The following ERAP1 variants were observed in gnomAD, a reference collection of about 807,000 sequenced individuals.
ERAP1 encodes adipocyte-derived leucine aminopeptidase.
Under a neutral mutation model 103.7 loss-of-function variants are expected in ERAP1, and 86 were observed. That is an observed-to-expected ratio of 0.83 (90% CI 0.70 to 0.99). The LOEUF is 0.99. Among genes scored for constraint, ERAP1 ranks in the 50% least tolerant of loss-of-function variants. The probability of loss-of-function intolerance (pLI) is 0.00; values close to 1 mark genes in which losing one functional copy is unlikely to be tolerated. For missense variants in ERAP1, 1,009 were observed against 1,128.4 expected (o/e 0.89, Z 1.52); for synonymous variants, 398 against 402.4 (o/e 0.99, Z 0.13).
At chr5:96,920,137 C>G in the ERAP1 span, among the ~76,000 whole-genome samples, 1 of 151,976 alleles carries the variant, frequency 6.6e-6, no homozygotes, top group African/African-American at 2.4e-5. Flanking sequence ...ATGGCGAAAC[C>G]GTTTCCACAA....
the ERAP1 span, among the ~76,000 whole-genome samples, chr5:96,820,983 G>A: frequency 6.6e-6 from 1 of 152,116 alleles, no homozygotes; most frequent in African/African-American, 2.4e-5. Context: ...GAGAGAGGAA[G>A]AGAGAAGAAG....
chr5:96,925,911 C>CTTTTTTTTT, the ERAP1 span, among the ~76,000 whole-genome samples: 1 of 105,670 alleles, frequency 9.5e-6, no homozygotes, highest in Non-Finnish European at 1.9e-5. Flanking sequence ...GTATAATTTG[C>CTTTTTTTTT]TTTTTTTTTT....
the ERAP1 span, among the ~76,000 whole-genome samples, chr5:96,931,036 T>C: frequency 6.6e-6 from 1 of 152,200 alleles, no homozygotes; most frequent in African/African-American, 2.4e-5. Context: ...CTGGTTAGTA[T>C]GGCTATCTTG....
exon 20 of ERAP1, chr5:96,762,926 A>G: frequency 5.8e-6 from 3 of 520,614 alleles, no homozygotes; most frequent in Non-Finnish European, 6.9e-6. Context: ...AATTATTTAC[A>G]TGCTGTGAGG....
intron 8 of ERAP1, among the ~76,000 whole-genome samples, chr5:96,791,235 G>A (rs71630754): frequency 0.15 from 23,411 of 152,136 alleles, 2,156 homozygotes; most frequent in Non-Finnish European, 0.22. Flanking sequence ...CCATTACCAC[G>A]GATGGTGAGT....
chr5:96,807,101 G>T (rs1457237771), intron 1 of ERAP1, among the ~76,000 whole-genome samples: 1 of 152,164 alleles, frequency 6.6e-6, no homozygotes, highest in African/African-American at 2.4e-5. Context: ...CCAAAAGCGT[G>T]AGGAAGTGTG....
chr5:96,837,488 A>G, the ERAP1 span, among the ~76,000 whole-genome samples: 10 of 152,222 alleles, frequency 6.6e-5, no homozygotes, highest in South Asian at 1.0e-3. Flanking sequence ...CACTCACTCA[A>G]ACCCACTGCG....
At chr5:96,826,502 C>G in the ERAP1 span, among the ~76,000 whole-genome samples, 1 of 152,156 alleles carries the variant, frequency 6.6e-6, no homozygotes, top group Non-Finnish European at 1.5e-5. Flanking sequence ...ATCTTCTCCC[C>G]CAGTTAAATA....
chr5:96,815,170 T>C, the ERAP1 span, among the ~76,000 whole-genome samples: 1 of 152,246 alleles, frequency 6.6e-6, no homozygotes, highest in Non-Finnish European at 1.5e-5. Flanking sequence ...AATTCTGGGC[T>C]TTTCTGTTTC....
At chr5:96,871,495 A>G in the ERAP1 span, among the ~76,000 whole-genome samples, 2 of 152,226 alleles carry the variant, frequency 1.3e-5, no homozygotes, top group Non-Finnish European at 2.9e-5. Flanking sequence ...AGTTGGTTTT[A>G]ATCGGTTGGT....
intron 19 of ERAP1, chr5:96,767,768 A>C: frequency 1.6e-6 from 1 of 636,278 alleles, no homozygotes; most frequent in East Asian, 2.7e-5. Flanking sequence ...CCTTTACAAT[A>C]CATTATTATT....
chr5:96,862,346 A>G, the ERAP1 span, among the ~76,000 whole-genome samples: 3 of 152,198 alleles, frequency 2.0e-5, no homozygotes, highest in Non-Finnish European at 4.4e-5. Context: ...AGACATTGCT[A>G]CCCAAGTGCC....
the ERAP1 span, among the ~76,000 whole-genome samples, chr5:96,837,249 G>A: frequency 6.6e-6 from 1 of 152,156 alleles, no homozygotes; most frequent in Admixed American, 6.5e-5. Flanking sequence ...ACTATTAAAT[G>A]TATAAAACTT....
the ERAP1 span, chr5:96,889,126 G>A: frequency 1.2e-6 from 2 of 1,603,720 alleles, no homozygotes; most frequent in South Asian, 2.2e-5. Flanking sequence ...GGGTTATCAG[G>A]AATGGAATTA....
chr5:96,874,917 A>C, the ERAP1 span, among the ~76,000 whole-genome samples: 2 of 152,216 alleles, frequency 1.3e-5, no homozygotes, highest in African/African-American at 4.8e-5. Context: ...AATTGTATGG[A>C]TGTATTGCCA....
chr5:96,925,896 TCA>T, the ERAP1 span, among the ~76,000 whole-genome samples: 2 of 149,446 alleles, frequency 1.3e-5, no homozygotes, highest in Non-Finnish European at 3.0e-5. Flanking sequence ...ATGGAGATAC[TCA>T]CAGTATAATT....
chr5:96,799,382 G>C (rs868781016), intron 3 of ERAP1, among the ~76,000 whole-genome samples: 4 of 152,030 alleles, frequency 2.6e-5, no homozygotes, highest in Non-Finnish European at 4.4e-5. Context: ...ACTCGTATTA[G>C]ATTTCTGTTA....
At chr5:96,875,999 C>T in the ERAP1 span, 1 of 152,416 alleles carries the variant, frequency 6.6e-6, no homozygotes, top group Non-Finnish European at 1.5e-5. Context: ...ACAGTCCCCT[C>T]GTGCCCAAGG....
At chr5:96,931,684 G>A in the ERAP1 span, among the ~76,000 whole-genome samples, 1 of 152,222 alleles carries the variant, frequency 6.6e-6, no homozygotes, top group African/African-American at 2.4e-5. Context: ...GACCTAAGGA[G>A]AATTCTAATG....
Sources: gnomAD v4.1 joint callset for allele counts (sites outside exome capture counted in the v4.1 genomes callset) on GRCh38, gnomAD v4.1.1 for gene constraint, MANE v1.5 for transcripts, NCBI Gene and HGNC (gene_info 2026-07-23, HGNC 2026-07-21) for gene names.